The following KIAA1217 variants were observed in gnomAD, a reference collection of about 807,000 sequenced individuals.
KIAA1217 encodes sickle tail protein homolog.
In KIAA1217, 88 loss-of-function variants were observed where a neutral mutation model predicts 163.9. That is an observed-to-expected ratio of 0.54 (90% CI 0.45 to 0.64). KIAA1217 has a LOEUF of 0.64. Ranked by LOEUF, KIAA1217 falls within the 30% of genes least tolerant of loss-of-function variation. The pLI, the probability that KIAA1217 is intolerant of heterozygous loss-of-function variation, is 0.00. For synonymous variants in KIAA1217, 903 were observed against 923.1 expected, an observed-to-expected ratio of 0.98 and a Z score of 0.39; for missense variants, 2,372 against 2,475.0, an observed-to-expected ratio of 0.96 and a Z score of 0.88.
intron 2 of KIAA1217, among the ~76,000 whole-genome samples, chr10:24,063,281 T>C (rs1484589565): frequency 3.3e-5 from 5 of 152,204 alleles, no homozygotes; most frequent in South Asian, 2.1e-4. Flanking sequence ...AGGTCTAACA[T>C]GTAAGTTTTT....
At chr10:24,296,208 A>G (rs541398918) in intron 2 of KIAA1217, among the ~76,000 whole-genome samples, 83 of 152,126 alleles carry the variant, frequency 5.5e-4, no homozygotes, top group African/African-American at 1.4e-3. Flanking sequence ...GGCTCAAGCG[A>G]TCTTCTCCCC....
At chr10:23,705,034 G>A (rs529391770) in intron 1 of KIAA1217, among the ~76,000 whole-genome samples, 5 of 152,084 alleles carry the variant, frequency 3.3e-5, no homozygotes, top group South Asian at 4.1e-4. Flanking sequence ...CTTGCATTTC[G>A]CTAATGACTA....
At chr10:24,068,401 T>C (rs992254392) in intron 2 of KIAA1217, among the ~76,000 whole-genome samples, 13 of 152,232 alleles carry the variant, frequency 8.5e-5, no homozygotes, top group African/African-American at 2.7e-4. Context: ...CTGAGCTCAC[T>C]GAGCATTTTG....
At chr10:24,144,851 T>C (rs1297431770) in intron 2 of KIAA1217, among the ~76,000 whole-genome samples, 1 of 152,216 alleles carries the variant, frequency 6.6e-6, no homozygotes, top group Non-Finnish European at 1.5e-5. Flanking sequence ...TCTGCTTTTC[T>C]CTTGTTAGCC....
At chr10:24,053,190 G>C (rs1011932803) in intron 2 of KIAA1217, among the ~76,000 whole-genome samples, 2 of 151,864 alleles carry the variant, frequency 1.3e-5, no homozygotes, top group African/African-American at 4.9e-5. Flanking sequence ...AAATAACCTA[G>C]AGGAAACTAT....
intron 2 of KIAA1217, among the ~76,000 whole-genome samples, chr10:24,141,522 G>A (rs1395177257): frequency 6.6e-6 from 1 of 152,154 alleles, no homozygotes; most frequent in Non-Finnish European, 1.5e-5. Context: ...GCTTAGGAAG[G>A]CAATCACTTA....
intron 3 of KIAA1217, among the ~76,000 whole-genome samples, chr10:24,381,333 C>T (rs1320745819): frequency 2.0e-5 from 3 of 152,134 alleles, no homozygotes; most frequent in Non-Finnish European, 4.4e-5. Flanking sequence ...AGTATTTTAC[C>T]TATGTTCCTG....
chr10:23,990,497 A>G (rs1371227448), intron 1 of KIAA1217, among the ~76,000 whole-genome samples: 4 of 152,108 alleles, frequency 2.6e-5, no homozygotes, highest in African/African-American at 4.8e-5. Flanking sequence ...AAAAGAATCC[A>G]CACCCTTCTC....
chr10:24,209,205 T>C lies in KIAA1217; in HGVS notation c.12T>C (p.Asn4=), dbSNP rs753856715. Residue 4 remains asparagine (N), a synonymous_variant, in exon 1 of 21, where the codon AAT becomes AAC. Coordinates refer to ENST00000376454, the MANE Select transcript of KIAA1217 (RefSeq NM_019590.5). ...GGCAGGCAGAGACAATGGAAGAAAA[T>C]GAAAGCCAGAAATGTGAGCCGTGCC... The part of the protein sequence containing the change: MEE[N]ESQKCEPCLP... 1 of 1,613,068 alleles carries C rather than the reference T, an allele frequency of 6.2e-7. No homozygotes were observed. Among genetic ancestry groups the C allele is most frequent in the South Asian group, 1.1e-5 (1 of 91,014 alleles).
chr10:24,246,913 C>A (rs1301197249), intron 2 of KIAA1217, among the ~76,000 whole-genome samples: 2 of 151,904 alleles, frequency 1.3e-5, no homozygotes, highest in Admixed American at 6.6e-5. Flanking sequence ...ACTTAGGAGG[C>A]TGAGGCAGGA....
intron 1 of KIAA1217, among the ~76,000 whole-genome samples, chr10:23,884,922 A>G (rs899918414): frequency 6.6e-6 from 1 of 151,866 alleles, no homozygotes; most frequent in Non-Finnish European, 1.5e-5. Context: ...CCAGCACTCC[A>G]TCCTCAACTC....
At chr10:23,909,850 A>T (rs1842354158) in intron 1 of KIAA1217, among the ~76,000 whole-genome samples, 1 of 152,154 alleles carries the variant, frequency 6.6e-6, no homozygotes, top group Non-Finnish European at 1.5e-5. Context: ...CTAGTTCCAG[A>T]TCCTTGAGGA....
intron 2 of KIAA1217, among the ~76,000 whole-genome samples, chr10:24,262,325 C>T (rs1263797637): frequency 6.6e-6 from 1 of 151,928 alleles, no homozygotes; most frequent in Non-Finnish European, 1.5e-5. Context: ...TGATGATTGT[C>T]TGTCTTTAAG....
At chr10:24,327,074 T>C (rs570445152) in intron 2 of KIAA1217, among the ~76,000 whole-genome samples, 1 of 152,344 alleles carries the variant, frequency 6.6e-6, no homozygotes, top group African/African-American at 2.4e-5. Flanking sequence ...TTCTGAAAGA[T>C]AAGATGTAAA....
chr10:24,424,628 G>A (rs549858480), intron 3 of KIAA1217, among the ~76,000 whole-genome samples: 19 of 151,992 alleles, frequency 1.3e-4, no homozygotes, highest in East Asian at 3.9e-4. Context: ...TTTTTGAGAC[G>A]GAGTCTCACT....
rs190915493 is a variant in KIAA1217, at chr10:23,704,750, T to C, written c.-321+9516T>C. ...GCTTCCAATGTTTGGCTATTATGAA[T>C]AATGCTGCTATAAAGACTAAAATAC... On this transcript the variant is annotated intron_variant, in intron 1 of 18. Coordinates refer to the KIAA1217 transcript ENST00000376462. Among the ~76,000 whole-genome samples the C allele has an allele frequency of 1.4e-3, 207 of 152,290 alleles. 1 individual carries two copies. The highest frequency in any genetic ancestry group is 6.8e-3 in the Middle Eastern group (2 of 294).
intron 1 of KIAA1217, among the ~76,000 whole-genome samples, chr10:23,790,088 T>C (rs571169694): frequency 2.8e-5 from 3 of 105,402 alleles, no homozygotes; most frequent in African/African-American, 4.3e-5. Flanking sequence ...TATACACATA[T>C]GCATATACAC....
chr10:24,072,542 C>CTGTTACATT (rs2061224359), intron 2 of KIAA1217, among the ~76,000 whole-genome samples: 1 of 152,160 alleles, frequency 6.6e-6, no homozygotes, highest in Non-Finnish European at 1.5e-5. Context: ...TCTCAATAAT[C>CTGTTACATT]TGTTACATTT....
intron 2 of KIAA1217, among the ~76,000 whole-genome samples, chr10:24,298,679 T>C (rs570901630): frequency 3.9e-5 from 6 of 152,202 alleles, no homozygotes; most frequent in South Asian, 2.1e-4. Flanking sequence ...CTGCTTATAG[T>C]CTCAGCTACT....
Sources: allele counts gnomAD v4.1 joint callset (sites outside exome capture counted in the v4.1 genomes callset), GRCh38; gene constraint gnomAD v4.1.1; transcripts MANE v1.5; gene names NCBI Gene and HGNC (gene_info 2026-07-23, HGNC 2026-07-21).